The following C4BPA variants were observed in gnomAD, a reference collection of about 807,000 sequenced individuals.
C4BPA encodes the protein C4b-binding protein alpha chain.
A neutral mutation model predicts 63.7 loss-of-function variants in C4BPA; 31 were observed. The ratio of observed to expected loss-of-function variants is 0.49; its 90% CI spans 0.37 to 0.66. The LOEUF (loss-of-function observed/expected upper bound fraction) is 0.66, where lower values mean the gene tolerates loss of function less well. Among genes scored for constraint, C4BPA ranks in the 30% least tolerant of loss-of-function variants. The probability of loss-of-function intolerance (pLI) is 0.00; values close to 1 mark genes in which losing one functional copy is unlikely to be tolerated. For synonymous variants in C4BPA, 259 were observed against 254.7 expected (o/e 1.02, Z -0.16); for missense variants, 572 against 723.3 (o/e 0.79, Z 2.40).
chr1:207,141,552 T>C (rs541961583), intron 10 of C4BPA, among the ~76,000 whole-genome samples: 2 of 152,336 alleles, frequency 1.3e-5, no homozygotes, highest in African/African-American at 2.4e-5. Context: ...ATTCTAAAAG[T>C]ATCACATTTT....
intron 7 of C4BPA, 172 bp downstream of exon 7, chr1:207,127,067 C>T (rs1380242702): frequency 5.4e-6 from 3 of 553,254 alleles, no homozygotes; most frequent in African/African-American, 3.8e-5. Context: ...GATTTTAGTG[C>T]ACTCTGCAAG....
chr1:207,124,271 A>AC lies in C4BPA; in HGVS notation c.616dup (p.Arg206ProfsTer17). The AC allele has an allele frequency of 1.2e-6, 2 of 1,613,730 alleles. No homozygotes were observed. The highest frequency in any genetic ancestry group is 1.7e-6 in the Non-Finnish European group (2 of 1,179,838). On this transcript the variant is annotated frameshift_variant, in exon 6 of 12. Coordinates refer to ENST00000367070, the MANE Select transcript of C4BPA (RefSeq NM_000715.4). LOFTEE classifies it high-confidence loss of function. ...GGCTTTTCTGTCACCTACAGCTGTG[A>AC]CCCCCGCTTCTCACTCTTGGGCCAT...
At chr1:207,111,910 C>T (rs960875794) in intron 1 of C4BPA, among the ~76,000 whole-genome samples, 2 of 152,130 alleles carry the variant, frequency 1.3e-5, no homozygotes, top group Non-Finnish European at 2.9e-5. Context: ...CCTTTGAAGA[C>T]AAGGACTATT....
At chr1:207,125,634 G>A (rs72742942) in intron 6 of C4BPA, among the ~76,000 whole-genome samples, 10,608 of 152,148 alleles carry the variant, frequency 0.07, 524 homozygotes, top group Admixed American at 0.1. Context: ...ATGTGAGGAC[G>A]CAGCAAGAAG....
chr1:207,122,978 A>G (rs1684951163), intron 4 of C4BPA, among the ~76,000 whole-genome samples: 1 of 152,096 alleles, frequency 6.6e-6, no homozygotes, highest in Non-Finnish European at 1.5e-5. Flanking sequence ...TATATCTATT[A>G]GTTTTCTCTT....
chr1:207,134,354 C>T (rs1167365549), intron 8 of C4BPA, 50 bp from the exon 9 acceptor site: 1 of 1,362,592 alleles, frequency 7.3e-7, no homozygotes, highest in Non-Finnish European at 1.0e-6. Flanking sequence ...GCCATAGAAG[C>T]TTCCTCATGG....
intron 8 of C4BPA, among the ~76,000 whole-genome samples, chr1:207,133,438 T>C (rs1372933140): frequency 6.6e-6 from 1 of 152,206 alleles, no homozygotes; most frequent in African/African-American, 2.4e-5. Context: ...TAAAAAAATA[T>C]GTCCCTATAG....
chr1:207,143,239 A>G (rs1369653864), intron 10 of C4BPA, among the ~76,000 whole-genome samples: 1 of 152,120 alleles, frequency 6.6e-6, no homozygotes, highest in African/African-American at 2.4e-5. Flanking sequence ...GCAGGAACAG[A>G]AAACCAAACA....
intron 11 of C4BPA, 83 bp from the exon 12 acceptor site, chr1:207,144,461 T>C (rs1270347435): frequency 2.3e-6 from 3 of 1,283,142 alleles, no homozygotes; most frequent in South Asian, 1.5e-5. Context: ...TTCAATCCTG[T>C]AGTCCTTCCA....
intron 1 of C4BPA, among the ~76,000 whole-genome samples, chr1:207,107,231 T>A (rs1461433477): frequency 3.3e-5 from 5 of 152,202 alleles, no homozygotes; most frequent in Non-Finnish European, 7.4e-5. Flanking sequence ...AGACATTAAC[T>A]GCAAATGCTT....
intron 4 of C4BPA, among the ~76,000 whole-genome samples, chr1:207,117,333 C>T (rs1188908307): frequency 6.6e-6 from 1 of 152,068 alleles, no homozygotes; most frequent in East Asian, 1.9e-4. Flanking sequence ...CACTTCTAGT[C>T]CCAGCTATGC....
At chr1:207,131,211 T>A (rs73079142) in intron 7 of C4BPA, among the ~76,000 whole-genome samples, 8,907 of 152,260 alleles carry the variant, frequency 0.058, 574 homozygotes, top group African/African-American at 0.16. Flanking sequence ...GTAAACATAG[T>A]TAGATTTGTT....
In C4BPA at chr1:207,126,266, ATATAT is replaced by A. The variant is rs1166553817; in HGVS notation, c.707-441_707-437del. Among the ~76,000 whole-genome samples, 9 of 148,048 alleles carry A rather than the reference ATATAT, an allele frequency of 6.1e-5. No homozygotes were observed. The South Asian group carries it at 1.0e-3, about 17-fold the overall frequency. ...CACATACATATGTGTATATATAAAT[ATATAT>A]TATATCAAATATAAAAATATATAAT... On this transcript the variant is annotated intron_variant, in intron 6 of 11. Transcript: ENST00000367070.
At chr1:207,115,350 T>C (rs1572777863) in intron 3 of C4BPA, 66 bp from the exon 4 acceptor site, 1 of 829,248 alleles carries the variant, frequency 1.2e-6, no homozygotes, top group Non-Finnish European at 1.9e-6. Flanking sequence ...TTAATTTCTT[T>C]TCTTTTCTAA....
intron 8 of C4BPA, among the ~76,000 whole-genome samples, chr1:207,131,997 T>C (rs1255352503): frequency 6.6e-6 from 1 of 152,200 alleles, no homozygotes; most frequent in Non-Finnish European, 1.5e-5. Flanking sequence ...ATGCAGATTA[T>C]GTATTAGTTT....
chr1:207,109,173 C>G (rs978044639), intron 1 of C4BPA, among the ~76,000 whole-genome samples: 1 of 152,192 alleles, frequency 6.6e-6, no homozygotes, highest in Non-Finnish European at 1.5e-5. Flanking sequence ...CTCACTGTAC[C>G]AAAGGCCACA....
At chr1:207,133,846 A>G (rs1685219176) in intron 8 of C4BPA, among the ~76,000 whole-genome samples, 1 of 152,170 alleles carries the variant, frequency 6.6e-6, no homozygotes, top group South Asian at 2.1e-4. Flanking sequence ...CGTATGCTTT[A>G]GCTCTTAGGT....
At chr1:207,141,004 A>G in intron 9 of C4BPA, 102 bp from the exon 10 acceptor site, 1 of 848,970 alleles carries the variant, frequency 1.2e-6, no homozygotes, top group South Asian at 2.0e-5. Context: ...CGAGGATAGA[A>G]GGACAGAATG....
intron 1 of C4BPA, among the ~76,000 whole-genome samples, chr1:207,105,405 A>G (rs1684538473): frequency 6.6e-6 from 1 of 151,940 alleles, no homozygotes; most frequent in Admixed American, 6.6e-5. Flanking sequence ...TAAAATTACA[A>G]AATTAGCCAG....
Sources: allele counts gnomAD v4.1 joint callset (sites outside exome capture counted in the v4.1 genomes callset), GRCh38; gene constraint gnomAD v4.1.1; transcripts MANE v1.5; gene names NCBI Gene and HGNC (gene_info 2026-07-23, HGNC 2026-07-21).